Variants in ADK observed in about 807,000 individuals in gnomAD.
ADK encodes the protein adenosine kinase.
In ADK, 24 loss-of-function variants were observed where a neutral mutation model predicts 44.7. The observed-to-expected ratio is 0.54, with a 90% confidence interval of 0.39 to 0.76. The LOEUF (loss-of-function observed/expected upper bound fraction) is 0.76. Ranked by LOEUF, ADK falls within the 30% of genes least tolerant of loss-of-function variation. The pLI is 0.00. For missense variants in ADK, 321 were observed against 425.1 expected, an observed-to-expected ratio of 0.76 and a Z score of 2.15; for synonymous variants, 128 against 142.6, an observed-to-expected ratio of 0.90 and a Z score of 0.73.
At chr10:74,598,678 C>T (rs929095474) in intron 8 of ADK, among the ~76,000 whole-genome samples, 2 of 151,768 alleles carry the variant, frequency 1.3e-5, no homozygotes, top group East Asian at 1.9e-4. Context: ...CTTCATCTCT[C>T]GACCTCGTGA....
At chr10:74,557,561 A>AT in intron 7 of ADK, among the ~76,000 whole-genome samples, 1 of 152,316 alleles carries the variant, frequency 6.6e-6, no homozygotes, top group African/African-American at 2.4e-5. Flanking sequence ...GTTTTAAAAT[A>AT]TGTCCTTCTA....
intron 6 of ADK, among the ~76,000 whole-genome samples, chr10:74,416,685 T>TTAGGA: frequency 6.6e-6 from 1 of 151,882 alleles, no homozygotes; most frequent in Non-Finnish European, 1.5e-5. Flanking sequence ...TCTCAACTCT[T>TTAGGA]TTCAGCTCTG....
chr10:74,471,176 G>T (rs748202960), intron 6 of ADK, among the ~76,000 whole-genome samples: 7 of 151,454 alleles, frequency 4.6e-5, no homozygotes, highest in African/African-American at 1.7e-4. Flanking sequence ...CCAGGTTCAC[G>T]CCATTCTCCT....
intron 6 of ADK, among the ~76,000 whole-genome samples, chr10:74,483,809 G>A (rs1275164863): frequency 6.6e-6 from 1 of 152,214 alleles, no homozygotes; most frequent in Non-Finnish European, 1.5e-5. Context: ...TAGCAAGAGT[G>A]ACCTTCACTC....
At chr10:74,631,945 T>TC (rs1853440421) in intron 9 of ADK, among the ~76,000 whole-genome samples, 1 of 152,144 alleles carries the variant, frequency 6.6e-6, no homozygotes, top group African/African-American at 2.4e-5. Flanking sequence ...CTGTATTTCT[T>TC]CTTTTTTTTT....
At position 74,210,554 on chromosome 10, in the gene ADK, G is replaced by A. The variant is rs555821580; in HGVS notation, c.140+9716G>A. On this transcript the variant is annotated intron_variant, in intron 2 of 10. Coordinates refer to ENST00000539909, the MANE Select transcript of ADK (RefSeq NM_006721.4). ...GCCTGTAGTGCCAGCTACTTGGGAG[G>A]CTTTAGCTGTAGTGCATCATGATTA... 5.3e-5 allele frequency among the ~76,000 whole-genome samples: 8 copies of A among 151,752 alleles called. No homozygotes were observed. In the East Asian group the frequency reaches 1.6e-3, roughly 30 times the overall value.
intron 6 of ADK, among the ~76,000 whole-genome samples, chr10:74,518,715 G>A (rs1043869665): frequency 1.3e-5 from 2 of 152,120 alleles, no homozygotes; most frequent in Non-Finnish European, 2.9e-5. Flanking sequence ...TTTATCAGAA[G>A]TGACATCTAA....
Position 74,178,527 on chromosome 10 carries a change from T to C in ADK, c.66-22237T>C, listed in dbSNP as rs765796010. ...TTTCTGTGTTAAGAATCAGTTGTTA[T>C]GTGGATTCAGTTTTAATTGACTATC... On this transcript the variant is annotated intron_variant, in intron 1 of 10. Transcript: ENST00000539909. 2.6e-5 allele frequency among the ~76,000 whole-genome samples: 4 copies of C among 152,210 alleles called. No homozygotes were observed. In the South Asian group the frequency reaches 8.3e-4, roughly 32 times the overall value.
intron 7 of ADK, among the ~76,000 whole-genome samples, chr10:74,531,223 T>G: frequency 6.6e-6 from 1 of 152,262 alleles, no homozygotes; most frequent in South Asian, 2.1e-4. Context: ...CCTATCCTAC[T>G]AGTCAGAGTG....
In ADK at chr10:74,379,899, A is replaced by C. The variant is rs11001021; in HGVS notation, c.274-14242A>C. ...ATTAGCTGGGTTTGATGGCTTGCAC[A>C]TGTAGTTCTAGCTACACAGGAGGCT... On this transcript the variant is annotated intron_variant, in intron 4 of 10. Transcript: ENST00000539909. 7.9e-5 allele frequency among the ~76,000 whole-genome samples: 12 copies of C among 152,034 alleles called. 1 individual carries two copies. Among genetic ancestry groups the C allele is most frequent in the African/African-American group, 2.4e-4 (10 of 41,460 alleles).
chr10:74,419,328 C>A (rs1298272537), intron 6 of ADK, among the ~76,000 whole-genome samples: 1 of 152,038 alleles, frequency 6.6e-6, no homozygotes, highest in East Asian at 1.9e-4. Context: ...TATTTCCCCC[C>A]CCCAAAAATC....
At chr10:74,376,516 C>A (rs1842823982) in intron 4 of ADK, among the ~76,000 whole-genome samples, 1 of 152,096 alleles carries the variant, frequency 6.6e-6, no homozygotes, top group Admixed American at 6.6e-5. Flanking sequence ...AAGTACCTCT[C>A]CTATGAAGCA....
At position 74,479,819 on chromosome 10, in the gene ADK, A is replaced by C. The variant is rs763840335; in HGVS notation, c.556-45437A>C. Among the ~76,000 whole-genome samples the C allele has an allele frequency of 2.6e-5, 4 of 152,102 alleles. No homozygotes were observed. The South Asian group carries it at 8.3e-4, about 31-fold the overall frequency. On this transcript the variant is annotated intron_variant, in intron 6 of 10. Transcript: ENST00000539909. ...CTATTATCTATACAACAGTGATTTT[A>C]TTCTGCATTTTTCTCTCACTTCTTT... is the stretch of plus-strand genomic sequence containing the variant.
At chr10:74,243,491 A>G (rs2132309276) in intron 3 of ADK, among the ~76,000 whole-genome samples, 1 of 152,328 alleles carries the variant, frequency 6.6e-6, no homozygotes, top group East Asian at 1.9e-4. Flanking sequence ...GTTTTAGTTC[A>G]TAAAATTGTG....
intron 6 of ADK, among the ~76,000 whole-genome samples, chr10:74,414,283 T>G (rs2132971191): frequency 6.6e-6 from 1 of 152,330 alleles, no homozygotes; most frequent in South Asian, 2.1e-4. Flanking sequence ...CAGACTTAAT[T>G]ATGCTATTTC....
chr10:74,174,249 G>A (rs1282319351), intron 1 of ADK, among the ~76,000 whole-genome samples: 2 of 148,616 alleles, frequency 1.3e-5, no homozygotes, highest in African/African-American at 5.0e-5. Flanking sequence ...TGGGGGCGGA[G>A]GTTGCAGTGA....
intron 7 of ADK, among the ~76,000 whole-genome samples, chr10:74,550,405 T>C (rs1442420459): frequency 1.3e-5 from 2 of 152,120 alleles, no homozygotes; most frequent in Non-Finnish European, 2.9e-5. Context: ...GCCTTCAATA[T>C]ATATTGCAAA....
chr10:74,534,390 G>T (rs1849384976), intron 7 of ADK, among the ~76,000 whole-genome samples: 2 of 152,082 alleles, frequency 1.3e-5, no homozygotes, highest in African/African-American at 4.8e-5. Context: ...ATGAAGAAGT[G>T]CCAATTTGTT....
intron 4 of ADK, among the ~76,000 whole-genome samples, chr10:74,384,611 C>T (rs989047079): frequency 5.3e-5 from 8 of 152,012 alleles, no homozygotes; most frequent in South Asian, 2.1e-4. Flanking sequence ...CAGAGGTTTG[C>T]GGTGAGTCAA....
Sources: allele counts gnomAD v4.1 joint callset (sites outside exome capture counted in the v4.1 genomes callset), GRCh38; gene constraint gnomAD v4.1.1; transcripts MANE v1.5; gene names NCBI Gene and HGNC (gene_info 2026-07-23, HGNC 2026-07-21).